MYO1F: variants seen among roughly 807,000 people sequenced by gnomAD.
MYO1F encodes myosin IF, also known as unconventional myosin-If.
A neutral mutation model predicts 146.6 loss-of-function variants in MYO1F; 60 were observed. The ratio of observed to expected loss-of-function variants is 0.41; its 90% confidence interval spans 0.33 to 0.51. The LOEUF (loss-of-function observed/expected upper bound fraction) is 0.51, where lower values mean the gene tolerates loss of function less well. MYO1F is among the 20% of genes least tolerant of loss of function. MYO1F has a pLI of 0.25. For synonymous variants in MYO1F, 602 were observed against 602.1 expected, an observed-to-expected ratio of 1.00 and a Z score of 0.00; for missense variants, 1,274 against 1,534.3, an observed-to-expected ratio of 0.83 and a Z score of 2.83.
At chr19:8,544,260 G>A (rs201164800) in intron 14 of MYO1F, 37 bp downstream of exon 14, 23 of 1,610,674 alleles carry the variant, frequency 1.4e-5, no homozygotes, top group Middle Eastern at 1.7e-4. Flanking sequence ...GGGGGTCTGC[G>A]AGGAGGCACA....
intron 1 of MYO1F, among the ~76,000 whole-genome samples, chr19:8,561,423 CTTT>C (rs1200634952): frequency 2.5e-5 from 3 of 117,730 alleles, no homozygotes; most frequent in East Asian, 3.6e-4. Context: ...CCCTCCCTTC[CTTT>C]CTCCTCTCCC....
chr19:8,547,533 G>C (rs1973416904), intron 12 of MYO1F, among the ~76,000 whole-genome samples: 1 of 151,302 alleles, frequency 6.6e-6, no homozygotes, highest in Non-Finnish European at 1.5e-5. Context: ...GAACTCTGGA[G>C]GCGGAGGTTG....
intron 25 of MYO1F, among the ~76,000 whole-genome samples, chr19:8,523,853 G>A (rs1321382457): frequency 6.6e-6 from 1 of 152,088 alleles, no homozygotes; most frequent in Non-Finnish European, 1.5e-5. Context: ...AGGCGCGGTG[G>A]CTCACGCCTG....
Position 8,526,555 on chromosome 19 carries a change from G to A in MYO1F, c.2668C>T (p.Arg890Cys), listed in dbSNP as rs1465523619. The change falls in exon 24 of 28, where the codon CGC becomes TGC. Residue 890 changes from arginine (R) to cysteine (C), a missense_variant. Transcript: ENST00000644032. ...AAGCCGCGGGAGAAGGTGACGCTGC[G>A]GGTGCCGCCACCGCCCCAGCCCTCC... ...KKEGWGGGGT[R>C]SVTFSRGFGD... 1 of 1,597,996 alleles carries A rather than the reference G, an allele frequency of 6.3e-7. No homozygotes were observed. Among genetic ancestry groups the A allele is most frequent in the Admixed American group, 1.8e-5 (1 of 56,738 alleles).
chr19:8,537,852 C>T (rs988258439), intron 16 of MYO1F, among the ~76,000 whole-genome samples: 18 of 152,260 alleles, frequency 1.2e-4, no homozygotes, highest in Admixed American at 2.6e-4. Flanking sequence ...CCTTAGCCTC[C>T]GGAGTAGCTA....
At chr19:8,541,602 T>C in intron 15 of MYO1F, 1 of 385,548 alleles carries the variant, frequency 2.6e-6, no homozygotes, top group African/African-American at 2.1e-5. Context: ...GTAATTTTTA[T>C]AATTTTAGTA....
At chr19:8,553,052 A>C in intron 6 of MYO1F, 87 bp downstream of exon 6, 1 of 1,269,464 alleles carries the variant, frequency 7.9e-7, no homozygotes, top group Non-Finnish European at 1.2e-6. Flanking sequence ...TTGTCTTGGC[A>C]ATACGGGTGT....
At chr19:8,539,435 A>T (rs1327990007) in intron 16 of MYO1F, among the ~76,000 whole-genome samples, 1 of 150,928 alleles carries the variant, frequency 6.6e-6, no homozygotes. Flanking sequence ...CCAAACCAAC[A>T]AAAAAACAAA....
chr19:8,573,991 C>T (rs1555732607), intron 1 of MYO1F, among the ~76,000 whole-genome samples: 1 of 152,152 alleles, frequency 6.6e-6, no homozygotes, highest in East Asian at 1.9e-4. Flanking sequence ...CATTGCTGAT[C>T]ATCATCTTAC....
chr19:8,566,726 C>T (rs1432079778), intron 1 of MYO1F, among the ~76,000 whole-genome samples: 1 of 149,270 alleles, frequency 6.7e-6, no homozygotes, highest in African/African-American at 2.5e-5. Flanking sequence ...GTTGGCCAAG[C>T]TGGTTTCGAA....
intron 14 of MYO1F, among the ~76,000 whole-genome samples, chr19:8,543,762 GTGGTGCTGGTGGTGCTGGTGGTGC>G (rs1568348902): frequency 4.3e-4 from 4 of 9,360 alleles, no homozygotes; most frequent in African/African-American, 2.5e-3. Context: ...GGTGGTGGTG[GTGGTGCTGGTGGTGCTGGTGGTGC>G]TGGTGGTGGT....
At chr19:8,556,469 C>T (rs1826412076) in intron 1 of MYO1F, among the ~76,000 whole-genome samples, 1 of 138,090 alleles carries the variant, frequency 7.2e-6, no homozygotes, top group South Asian at 2.2e-4. Flanking sequence ...TAGCGAGGCC[C>T]CGTCTCTATA....
intron 21 of MYO1F, among the ~76,000 whole-genome samples, chr19:8,528,311 A>C (rs1486112398): frequency 6.6e-6 from 1 of 151,990 alleles, no homozygotes; most frequent in Non-Finnish European, 1.5e-5. Context: ...GGTGGATCAC[A>C]AGGTCAGAAG....
At chr19:8,556,358 A>G (rs1973855124) in intron 1 of MYO1F, among the ~76,000 whole-genome samples, 1 of 147,762 alleles carries the variant, frequency 6.8e-6, no homozygotes, top group Admixed American at 6.8e-5. Flanking sequence ...AAAATTTTTT[A>G]ATGCCAAGTG....
intron 2 of MYO1F, 53 bp from the exon 3 acceptor site, chr19:8,554,796 T>TCCCCTCATCCTGC: frequency 6.6e-7 from 1 of 1,513,352 alleles, no homozygotes; most frequent in South Asian, 1.1e-5. Context: ...GTCCTCCCTG[T>TCCCCTCATCCTGC]CCCCTCATCC....
intron 4 of MYO1F, among the ~76,000 whole-genome samples, chr19:8,553,923 C>CTCTCTCTCTCTT (rs1973732842): frequency 6.7e-6 from 1 of 149,630 alleles, no homozygotes; most frequent in Admixed American, 6.7e-5. Flanking sequence ...CTCTCTCTCT[C>CTCTCTCTCTCTT]GCTCTCTTTC....
chr19:8,525,758 C>G (rs569336603), intron 24 of MYO1F, among the ~76,000 whole-genome samples, 196 bp from the exon 25 acceptor site: 6 of 152,332 alleles, frequency 3.9e-5, no homozygotes, highest in Admixed American at 3.9e-4. Context: ...CCTCACTGGC[C>G]TTGCTCTTTG....
intron 1 of MYO1F, among the ~76,000 whole-genome samples, chr19:8,562,148 C>A (rs1423635889): frequency 6.7e-6 from 1 of 149,332 alleles, no homozygotes; most frequent in African/African-American, 2.5e-5. Context: ...CGTTCTCCTG[C>A]CCGGCTAATT....
chr19:8,543,822 G>C lies in MYO1F; in HGVS notation c.1524+475C>G, dbSNP rs567753091. Among the ~76,000 whole-genome samples the C allele has an allele frequency of 2.9e-4, 5 of 17,082 alleles. 1 individual carries two copies. Among genetic ancestry groups the C allele is most frequent in the African/African-American group, 8.1e-4 (3 of 3,686 alleles). 11.2% of individuals were successfully genotyped at this position (17,082 alleles called of 152,430 possible). ...GGTGCTGGTGGTGCTGGTGGTGGTG[G>C]TGGTGGTGGTGGTGGTGGTGGTGGT... is the stretch of plus-strand genomic sequence containing the variant. On this transcript the variant is annotated intron_variant, in intron 14 of 27. Coordinates refer to ENST00000644032, the MANE Select transcript of MYO1F (RefSeq NM_012335.4).
Sources: gnomAD v4.1 joint callset for allele counts (sites outside exome capture counted in the v4.1 genomes callset) on GRCh38, gnomAD v4.1.1 for gene constraint, MANE v1.5 for transcripts, NCBI Gene and HGNC (gene_info 2026-07-23, HGNC 2026-07-21) for gene names.